MARCHF8: variants seen among roughly 807,000 people sequenced by gnomAD.
MARCHF8 encodes E3 ubiquitin-protein ligase MARCHF8.
A neutral mutation model predicts 51.6 loss-of-function variants in MARCHF8; 40 were observed. That is an observed-to-expected ratio of 0.77 (90% CI 0.60 to 1.01). The LOEUF is 1.01. Among genes scored for constraint, MARCHF8 ranks in the 50% least tolerant of loss-of-function variants. The pLI is 0.00. For synonymous variants in MARCHF8, 263 were observed against 280.3 expected (o/e 0.94, Z 0.62); for missense variants, 685 against 708.6 (o/e 0.97, Z 0.38).
In MARCHF8 at chr10:45,457,689, C is replaced by G. The variant is rs1164389392; in HGVS notation, c.*550G>C. ...GTTTGCTCAGTGAATCATGCGCCAC[C>G]ACAGAGCACCATGGCTCCACCTGCT... On this transcript the variant is annotated 3_prime_UTR_variant, in exon 8 of 8. Transcript: ENST00000453424. 1 of 153,102 alleles carries G rather than the reference C, an allele frequency of 6.5e-6. No homozygotes were observed. Among genetic ancestry groups the G allele is most frequent in the East Asian group, 1.9e-4 (1 of 5,216 alleles). The allele number at this position is 153,102 out of a possible 1,614,324, so 9.5% of individuals were successfully genotyped here.
At chr10:45,515,209 C>T (rs2043598296) in intron 2 of MARCHF8, among the ~76,000 whole-genome samples, 1 of 152,178 alleles carries the variant, frequency 6.6e-6, no homozygotes, top group South Asian at 2.1e-4. Context: ...CATTCCAAGA[C>T]AAACTTGAAC....
At chr10:45,556,248 C>T (rs2044250421) in intron 1 of MARCHF8, among the ~76,000 whole-genome samples, 1 of 152,120 alleles carries the variant, frequency 6.6e-6, no homozygotes, top group Non-Finnish European at 1.5e-5. Context: ...ACCTTGTTTA[C>T]ATCCTGATGC....
intron 3 of MARCHF8, among the ~76,000 whole-genome samples, chr10:45,465,571 C>T (rs1372075959): frequency 6.6e-6 from 1 of 152,210 alleles, no homozygotes; most frequent in Non-Finnish European, 1.5e-5. Flanking sequence ...ACTCCTCCTC[C>T]CCCTACCCCT....
At chr10:45,555,136 A>G (rs2044237672) in intron 1 of MARCHF8, among the ~76,000 whole-genome samples, 1 of 152,072 alleles carries the variant, frequency 6.6e-6, no homozygotes. Context: ...GGCCAAGGGA[A>G]GAGAATCGCT....
At chr10:45,582,702 T>C (rs1490919571) in intron 1 of MARCHF8, among the ~76,000 whole-genome samples, 1 of 152,182 alleles carries the variant, frequency 6.6e-6, no homozygotes, top group East Asian at 1.9e-4. Context: ...TGTACAGATG[T>C]TGTGTGAAAG....
chr10:45,459,397 A>T, intron 6 of MARCHF8, 130 bp from the exon 7 acceptor site: 1 of 1,083,184 alleles, frequency 9.2e-7, no homozygotes, highest in South Asian at 1.6e-5. Context: ...GCATTCCCCC[A>T]AGTATTGTTC....
intron 3 of MARCHF8, among the ~76,000 whole-genome samples, chr10:45,483,801 A>G (rs1163817775): frequency 7.5e-6 from 1 of 133,650 alleles, no homozygotes; most frequent in Non-Finnish European, 1.6e-5. Context: ...ACACAGAAAG[A>G]CAAATATTAC....
chr10:45,481,105 A>T (rs115535006), intron 3 of MARCHF8, among the ~76,000 whole-genome samples: 71 of 152,362 alleles, frequency 4.7e-4, no homozygotes, highest in African/African-American at 1.7e-3. Flanking sequence ...AGCTTTAAGA[A>T]TGGACTGACC....
Position 45,464,290 on chromosome 10 carries a change from A to G in MARCHF8, c.191T>C (p.Val64Ala). 6.2e-7 allele frequency: 1 copy of G among 1,614,200 alleles called. No homozygotes were observed. Among genetic ancestry groups the G allele is most frequent in the Non-Finnish European group, 8.5e-7 (1 of 1,180,032 alleles). The change falls in exon 4 of 8, where the codon GTG becomes GCG. Residue 64 changes from valine (V) to alanine (A), a missense_variant. Physicochemically the swap from Val to Ala is moderately conservative, Grantham distance 64. Coordinates refer to ENST00000453424, the MANE Select transcript of MARCHF8 (RefSeq NM_001282866.2). ...SPPSASAPAP[V>A]SSFSRTSITP... ...GATAGAAGTGCGAGAGAAGGAGGAC[A>G]CCGGAGCCGGAGCTGATGCTGACGG...
chr10:45,488,833 A>G (rs987781405), intron 3 of MARCHF8, among the ~76,000 whole-genome samples: 5 of 151,996 alleles, frequency 3.3e-5, no homozygotes, highest in African/African-American at 1.2e-4. Flanking sequence ...CCTTCTTCCA[A>G]ATATACTCTT....
chr10:45,470,092 T>C (rs571944245), intron 3 of MARCHF8, among the ~76,000 whole-genome samples: 39 of 152,304 alleles, frequency 2.6e-4, no homozygotes, highest in African/African-American at 8.2e-4. Context: ...TTCCTCTACA[T>C]GGAAAGCATT....
chr10:45,530,460 A>G lies in MARCHF8; in HGVS notation c.102+2650T>C, dbSNP rs551588596. 3.3e-5 allele frequency among the ~76,000 whole-genome samples: 5 copies of G among 152,300 alleles called. 1 individual carries two copies. In the South Asian group the frequency reaches 1.0e-3, roughly 32 times the overall value. ...GCTTAACAATTTTTCTGTAAATCTA[A>G]AACTAGTCTGAAATAAACTTTTACT... On this transcript the variant is annotated intron_variant, in intron 2 of 7. Coordinates refer to ENST00000453424, the MANE Select transcript of MARCHF8 (RefSeq NM_001282866.2).
chr10:45,592,984 C>A (rs900093964), intron 1 of MARCHF8, among the ~76,000 whole-genome samples: 1 of 152,042 alleles, frequency 6.6e-6, no homozygotes, highest in East Asian at 1.9e-4. Flanking sequence ...ATCTGGCAAA[C>A]CTAGCTGGAG....
intron 6 of MARCHF8, among the ~76,000 whole-genome samples, chr10:45,460,922 T>C (rs1484760111): frequency 6.6e-6 from 1 of 152,102 alleles, no homozygotes; most frequent in Non-Finnish European, 1.5e-5. Flanking sequence ...TTAATATGTA[T>C]AAAATTAGGT....
chr10:45,502,835 A>G (rs547130114), intron 2 of MARCHF8, among the ~76,000 whole-genome samples: 11 of 152,356 alleles, frequency 7.2e-5, no homozygotes, highest in African/African-American at 2.6e-4. Context: ...TGTGTATATC[A>G]GCAATAAAGA....
intron 3 of MARCHF8, among the ~76,000 whole-genome samples, chr10:45,477,904 C>G (rs2042815673): frequency 6.6e-6 from 1 of 152,190 alleles, no homozygotes; most frequent in African/African-American, 2.4e-5. Context: ...CACCAGAGCA[C>G]TCAGATGTAT....
chr10:45,584,572 A>G (rs2044597853), intron 1 of MARCHF8, among the ~76,000 whole-genome samples: 1 of 152,128 alleles, frequency 6.6e-6, no homozygotes, highest in South Asian at 2.1e-4. Flanking sequence ...ACTATGGAAA[A>G]CAACATTATA....
In MARCHF8 at chr10:45,544,094, CAT is replaced by C. The variant is rs1450945487; in HGVS notation, c.-78-10807_-78-10806del. 7.2e-5 allele frequency among the ~76,000 whole-genome samples: 11 copies of C among 152,070 alleles called. 1 individual carries two copies. Among genetic ancestry groups the C allele is most frequent in the Admixed American group, 2.6e-4 (4 of 15,264 alleles). On this transcript the variant is annotated intron_variant, in intron 1 of 6. Coordinates refer to the MARCHF8 transcript ENST00000319836. ...AAAAAATAAAATAAAATAATGAAGA[CAT>C]ATGAATAGCTAATAAACTCATGAAA...
At chr10:45,572,812 G>A (rs1039519012) in intron 1 of MARCHF8, among the ~76,000 whole-genome samples, 3 of 151,892 alleles carry the variant, frequency 2.0e-5, no homozygotes, top group African/African-American at 4.8e-5. Context: ...CATAGGAAAC[G>A]TGTTTTATCC....
Sources: allele counts gnomAD v4.1 joint callset (sites outside exome capture counted in the v4.1 genomes callset), GRCh38; gene constraint gnomAD v4.1.1; transcripts MANE v1.5; gene names NCBI Gene and HGNC (gene_info 2026-07-23, HGNC 2026-07-21).